Variants in DDX1 observed in about 807,000 individuals in gnomAD.
The protein encoded by DDX1 is ATP-dependent RNA helicase DDX1.
Under a neutral mutation model 108.7 loss-of-function variants are expected in DDX1, and 28 were observed. That is an observed-to-expected ratio of 0.26 (90% CI 0.19 to 0.35). The LOEUF is 0.35. Ranked by LOEUF, DDX1 falls within the 10% of genes least tolerant of loss-of-function variation. The probability of loss-of-function intolerance (pLI) is 1.00; values close to 1 mark genes in which losing one functional copy is unlikely to be tolerated. For missense variants in DDX1, 710 were observed against 884.5 expected, an observed-to-expected ratio of 0.80 and a Z score of 2.50; for synonymous variants, 295 against 288.9, an observed-to-expected ratio of 1.02 and a Z score of -0.21.
Position 15,613,293 on chromosome 2 carries a change from T to G in DDX1, c.1017+9T>G. The G allele has an allele frequency of 6.3e-7, 1 of 1,592,028 alleles. No homozygotes were observed. On this transcript the variant is annotated intron_variant, in intron 14 of 25. Coordinates refer to ENST00000233084, the MANE Select transcript of DDX1 (RefSeq NM_004939.3). ...CTGTTTTGGAAAATGGAGTAAGTTG[T>G]AGTTTTAATTTTTAAAACATAATGT...
chr2:15,608,663 G>GTTTTTTTTTT (rs569566545), intron 13 of DDX1, among the ~76,000 whole-genome samples: 4 of 106,726 alleles, frequency 3.7e-5, no homozygotes, highest in South Asian at 3.4e-4. Context: ...TTTTTTTTAG[G>GTTTTTTTTTT]TTTTTTTTTT....
At chr2:15,594,715 C>T (rs1665471693) in intron 1 of DDX1, among the ~76,000 whole-genome samples, 1 of 152,184 alleles carries the variant, frequency 6.6e-6, no homozygotes, top group African/African-American at 2.4e-5. Flanking sequence ...AGCCAAGGCA[C>T]ATAACTGCCA....
rs553758445 is a variant in DDX1, at chr2:15,596,662, T to C, written c.133-72T>C. 9.2e-5 allele frequency: 119 copies of C among 1,293,680 alleles called. 2 individuals carry two copies. In the South Asian group the frequency reaches 1.2e-3, roughly 13 times the overall value. The allele number at this position is 1,293,680 out of a possible 1,614,324, so 80.1% of individuals were successfully genotyped here. On this transcript the variant is annotated intron_variant, in intron 3 of 25. Coordinates refer to ENST00000233084, the MANE Select transcript of DDX1 (RefSeq NM_004939.3). ...CAGTCAAATGTTAAAGATTTCTACATACTATGGTGTTAGTTTGATTTCTTT... is the reference window on the plus strand; with the variant it reads ...CAGTCAAATGTTAAAGATTTCTACACACTATGGTGTTAGTTTGATTTCTTT...
intron 1 of DDX1, among the ~76,000 whole-genome samples, chr2:15,592,970 G>A (rs1665439993): frequency 6.6e-6 from 1 of 151,872 alleles, no homozygotes; most frequent in Admixed American, 6.6e-5. Flanking sequence ...GCCCCAGCTG[G>A]AGTGCAATGG....
chr2:15,608,006 T>C (rs1665692336), intron 13 of DDX1, among the ~76,000 whole-genome samples: 2 of 152,194 alleles, frequency 1.3e-5, no homozygotes, highest in South Asian at 4.2e-4. Context: ...TTCTTCCATT[T>C]GGACATTCAG....
Position 15,616,293 on chromosome 2 carries a change from G to C in DDX1, c.1018-951G>C, listed in dbSNP as rs147402417. Among the ~76,000 whole-genome samples the C allele has an allele frequency of 2.2e-4, 34 of 152,232 alleles. No individual in the cohort carries two copies. In the East Asian group the frequency reaches 5.6e-3, roughly 25 times the overall value. On this transcript the variant is annotated intron_variant, in intron 14 of 25. Transcript: ENST00000233084. ...AGGCACTGTACTAAAAACATAACAT[G>C]TTCTTACTCAGTACTTACAATAATC...
intron 10 of DDX1, 146 bp downstream of exon 10, chr2:15,604,655 G>T (rs909704430): frequency 8.0e-6 from 5 of 621,666 alleles, no homozygotes; most frequent in Non-Finnish European, 1.4e-5. Context: ...CATTGACTAT[G>T]TGTAAGGTAC....
chr2:15,596,712 C>A, intron 3 of DDX1, 22 bp from the exon 4 acceptor site: 1 of 1,608,178 alleles, frequency 6.2e-7, no homozygotes, highest in South Asian at 1.1e-5. Context: ...TCTGTAAAAT[C>A]AACTTTTTTC....
At chr2:15,610,297 C>G (rs757545217) in intron 13 of DDX1, among the ~76,000 whole-genome samples, 1 of 152,138 alleles carries the variant, frequency 6.6e-6, no homozygotes, top group Admixed American at 6.5e-5. Flanking sequence ...CTGTTTTTCT[C>G]TTTTGTCATG....
intron 10 of DDX1, 69 bp from the exon 11 acceptor site, chr2:15,605,881 T>C: frequency 9.2e-7 from 1 of 1,085,596 alleles, no homozygotes; most frequent in South Asian, 1.7e-5. Context: ...GCTGGTAGAT[T>C]TGACATTGTC....
At chr2:15,629,112 A>G (rs1666149096) in intron 23 of DDX1, among the ~76,000 whole-genome samples, 2 of 152,186 alleles carry the variant, frequency 1.3e-5, no homozygotes, top group African/African-American at 4.8e-5. Flanking sequence ...GCATGGTGCC[A>G]TGGAAGACCT....
Position 15,611,798 on chromosome 2 carries a change from C to G in DDX1, c.957-1426C>G, listed in dbSNP as rs1421392286. ...TGGCCGGGCGGGGGGCTGACCCCCC[C>G]ACCTCCCTCCCGGACGGGGCGGCTG... is the stretch of plus-strand genomic sequence containing the variant. On this transcript the variant is annotated intron_variant, in intron 13 of 25. Coordinates refer to ENST00000233084, the MANE Select transcript of DDX1 (RefSeq NM_004939.3). Among the ~76,000 whole-genome samples the G allele has an allele frequency of 5.2e-4, 53 of 102,362 alleles. 1 individual carries two copies. Among genetic ancestry groups the G allele is most frequent in the African/African-American group, 2.0e-3 (44 of 22,248 alleles). 67.2% of individuals were successfully genotyped at this position (102,362 alleles called of 152,430 possible). A position where few individuals can be genotyped will look rare whatever the true frequency, so the allele number is the denominator to read the frequency against.
Position 15,630,976 on chromosome 2 carries a change from T to C in DDX1, c.*70T>C. ...TCTTAAAACTCTAAAACAGTTGTACTGCTTCCAAGCAGCAGTATTTATAGT... is the reference window on the plus strand; with the variant it reads ...TCTTAAAACTCTAAAACAGTTGTACCGCTTCCAAGCAGCAGTATTTATAGT... On this transcript the variant is annotated 3_prime_UTR_variant, in exon 26 of 26. Coordinates refer to ENST00000233084, the MANE Select transcript of DDX1 (RefSeq NM_004939.3). 1 of 1,478,018 alleles carries C rather than the reference T, an allele frequency of 6.8e-7. No individual in the cohort carries two copies. The highest frequency in any genetic ancestry group is 9.3e-7 in the Non-Finnish European group (1 of 1,069,854). The allele number at this position is 1,478,018 out of a possible 1,614,324, so 91.6% of individuals were successfully genotyped here. A position where few individuals can be genotyped will look rare whatever the true frequency, so the allele number is the denominator to read the frequency against.
intron 13 of DDX1, among the ~76,000 whole-genome samples, chr2:15,610,888 AATTT>A (rs1665740796): frequency 1.7e-4 from 26 of 149,720 alleles, no homozygotes; most frequent in African/African-American, 5.4e-4. Context: ...TTTATTTTTT[AATTT>A]ATTTATTTTT....
intron 7 of DDX1, 122 bp downstream of exon 7, chr2:15,602,753 G>A: frequency 1.4e-6 from 1 of 705,854 alleles, no homozygotes; most frequent in Middle Eastern, 3.3e-4. Context: ...GGGCTGGAGG[G>A]CCCGGGCTGG....
chr2:15,613,203 T>A, intron 13 of DDX1, 21 bp from the exon 14 acceptor site: 1 of 1,528,172 alleles, frequency 6.5e-7, no homozygotes, highest in Non-Finnish European at 8.9e-7. Flanking sequence ...TTTTATATTA[T>A]CATCTTGATA....
chr2:15,598,685 A>C (rs1396854245), intron 5 of DDX1, among the ~76,000 whole-genome samples: 1 of 152,226 alleles, frequency 6.6e-6, no homozygotes, highest in African/African-American at 2.4e-5. Flanking sequence ...TACAATGTTC[A>C]AAGTGTTTAA....
At chr2:15,602,514 G>A in intron 6 of DDX1, 34 bp from the exon 7 acceptor site, 1 of 1,500,332 alleles carries the variant, frequency 6.7e-7, no homozygotes, top group South Asian at 1.1e-5. Flanking sequence ...AACCTGTACT[G>A]ACGTGTTTTT....
At chr2:15,592,530 A>G (rs1665431744) in intron 1 of DDX1, among the ~76,000 whole-genome samples, 1 of 152,192 alleles carries the variant, frequency 6.6e-6, no homozygotes, top group African/African-American at 2.4e-5. Context: ...AAGCATTTTC[A>G]TTAACGTACG....
Sources: gnomAD v4.1 joint callset for allele counts (sites outside exome capture counted in the v4.1 genomes callset) on GRCh38, gnomAD v4.1.1 for gene constraint, MANE v1.5 for transcripts, NCBI Gene and HGNC (gene_info 2026-07-23, HGNC 2026-07-21) for gene names.